The following HPS1 variants were observed in gnomAD, a reference collection of about 807,000 sequenced individuals.
HPS1 encodes the protein HPS1 biogenesis of lysosomal organelles complex 3 subunit 1, also known as BLOC-3 complex member HPS1.
In HPS1, 59 loss-of-function variants were observed where a neutral mutation model predicts 90.6. That is an observed-to-expected ratio of 0.65 (90% CI 0.53 to 0.81). The LOEUF (loss-of-function observed/expected upper bound fraction) is 0.81, where lower values mean the gene tolerates loss of function less well. Ranked by LOEUF, HPS1 falls within the 30% of genes least tolerant of loss-of-function variation. The pLI, the probability that HPS1 is intolerant of heterozygous loss-of-function variation, is 0.00. For missense variants in HPS1, 849 were observed against 896.7 expected (o/e 0.95, Z 0.68); for synonymous variants, 388 against 384.4 (o/e 1.01, Z -0.11).
Position 98,427,210 on chromosome 10 carries a change from C to T in HPS1, c.987+5G>A. On this transcript the variant is annotated splice_donor_5th_base_variant and intron_variant, in intron 11 of 19. Coordinates refer to ENST00000361490, the MANE Select transcript of HPS1 (RefSeq NM_000195.5). ...GGCGCCCAGGCAGGCACAGGAGAAA[C>T]TCACCTGAAGGGCATCCATGGGGGG... The T allele has an allele frequency of 6.4e-7, 1 of 1,550,814 alleles. No individual in the cohort carries two copies.
In HPS1 at chr10:98,422,336, C is replaced by T. The variant is rs1844987067; in HGVS notation, c.1743+33G>A. 2.5e-6 allele frequency: 4 copies of T among 1,593,978 alleles called. No homozygotes were observed. In the South Asian group the frequency reaches 4.4e-5, roughly 18 times the overall value. On this transcript the variant is annotated intron_variant, in intron 17 of 19. Transcript: ENST00000361490. The stretch of plus-strand genomic sequence containing the variant: ...AGGGCTACCCAATATTGGCTGAGGC[C>T]CACCCATCCCCGCCCTGGGTCCAAA...
In HPS1 at chr10:98,431,002, T is replaced by TG. The variant is rs1846367766; in HGVS notation, c.668+128dup. On this transcript the variant is annotated intron_variant, in intron 7 of 19. Coordinates refer to ENST00000361490, the MANE Select transcript of HPS1 (RefSeq NM_000195.5). ...CTGAAAAAGGTTGGAGAATCAAATC[T>TG]GGGAAGGTTTCAGGCTTCATGGAGG... The TG allele has an allele frequency of 2.5e-5, 24 of 949,604 alleles. No homozygotes were observed. The South Asian group carries it at 3.1e-4, about 12-fold the overall frequency. The allele number at this position is 949,604 out of a possible 1,614,324, so 58.8% of individuals were successfully genotyped here.
intron 17 of HPS1, among the ~76,000 whole-genome samples, chr10:98,420,727 A>C (rs1436931890): frequency 5.3e-5 from 8 of 151,920 alleles, no homozygotes. Context: ...AAAAATAATA[A>C]TATTAAAAAA....
At chr10:98,418,139 G>C in intron 19 of HPS1, 36 bp downstream of exon 19, 1 of 1,384,328 alleles carries the variant, frequency 7.2e-7, no homozygotes, top group Non-Finnish European at 1.0e-6. Context: ...CCCAAATGGG[G>C]GCATCTGTCC....
chr10:98,426,730 CAT>C (rs1034789043), intron 11 of HPS1, among the ~76,000 whole-genome samples: 101 of 144,486 alleles, frequency 7.0e-4, no homozygotes, highest in African/African-American at 1.5e-3. Flanking sequence ...TAAAAATACA[CAT>C]GTGTACATAT....
At position 98,433,968 on chromosome 10, in the gene HPS1, G is replaced by A. The variant is rs374761960; in HGVS notation, c.507+15C>T. The A allele has an allele frequency of 1.4e-4, 211 of 1,552,794 alleles. No homozygotes were observed. Among genetic ancestry groups the A allele is most frequent in the Non-Finnish European group, 1.7e-4 (195 of 1,147,958 alleles). ...ACAGCTTCAAGTCCTGAGGACTCCC[G>A]CGCCCAGTAGTCACCTCCACGGCGA... On this transcript the variant is annotated intron_variant, in intron 6 of 19. Transcript: ENST00000361490.
Position 98,430,639 on chromosome 10 carries a change from G to A in HPS1, c.700C>T (p.Leu234=), listed in dbSNP as rs150444975. ...HSASSLRPAD[L]LALILLVQDL... ...TGAACCAGGAGGATGAGGGCAAGCA[G>A]GTCGGCCGGGCGCAGGGAGCTGGCA... The change falls in exon 8 of 20, where the codon CTG becomes TTG. Residue 234 remains leucine (L), a synonymous_variant. Coordinates refer to ENST00000361490, the MANE Select transcript of HPS1 (RefSeq NM_000195.5). The A allele has an allele frequency of 3.0e-4, 461 of 1,555,446 alleles. No individual in the cohort carries two copies. The highest frequency in any genetic ancestry group is 1.0e-3 in the Middle Eastern group (6 of 5,962).
intron 6 of HPS1, among the ~76,000 whole-genome samples, chr10:98,433,588 G>A (rs1212463916): frequency 6.6e-6 from 1 of 152,158 alleles, no homozygotes; most frequent in Admixed American, 6.5e-5. Flanking sequence ...CTATTTACTG[G>A]CTGTAGTGCT....
chr10:98,418,348 T>A (rs1844392924), intron 18 of HPS1, 91 bp from the exon 19 acceptor site: 2 of 643,710 alleles, frequency 3.1e-6, no homozygotes, highest in African/African-American at 3.7e-5. Flanking sequence ...CTTGGCTCTG[T>A]CATGTGCGCT....
intron 18 of HPS1, 80 bp from the exon 19 acceptor site, chr10:98,418,337 G>A (rs1287036266): frequency 8.1e-6 from 6 of 741,196 alleles, no homozygotes; most frequent in Non-Finnish European, 1.4e-5. Flanking sequence ...TTGCGGCCTG[G>A]CTTGGCTCTG....
intron 2 of HPS1, among the ~76,000 whole-genome samples, chr10:98,444,902 C>T (rs1178766621): frequency 2.0e-5 from 3 of 152,012 alleles, no homozygotes; most frequent in Non-Finnish European, 4.4e-5. Context: ...ACAAAGCTGA[C>T]CAGAGTGTAT....
Position 98,431,239 on chromosome 10 carries a change from A to G in HPS1, c.560T>C (p.Leu187Pro). Reference sequence around the variant, plus strand: ...GACAGCCTGGATGACGTGCCGCTCCAGCGCCTCTATGCACAGCTCACAGAG... The same window carrying G: ...GACAGCCTGGATGACGTGCCGCTCCGGCGCCTCTATGCACAGCTCACAGAG... ...PQLCELCIEA[L>P]ERHVIQAVNT... The change falls in exon 7 of 20, where the codon CTG becomes CCG. Residue 187 changes from leucine (L) to proline (P), a missense_variant. Transcript: ENST00000361490. 3 of 1,613,994 alleles carry G rather than the reference A, an allele frequency of 1.9e-6. No individual in the cohort carries two copies. The highest frequency in any genetic ancestry group is 2.5e-6 in the Non-Finnish European group (3 of 1,180,028).
chr10:98,446,572 G>A (rs960899597), intron 1 of HPS1, among the ~76,000 whole-genome samples: 2 of 152,302 alleles, frequency 1.3e-5, no homozygotes, highest in East Asian at 1.9e-4. Flanking sequence ...TCGCCGCCGC[G>A]GGGCTCCCGT....
chr10:98,429,032 G>A (rs1220539683), intron 10 of HPS1: 1 of 178,040 alleles, frequency 5.6e-6, no homozygotes. Context: ...AGTAGACATG[G>A]GGTTTCGCCA....
intron 19 of HPS1, 163 bp downstream of exon 19, chr10:98,418,012 G>C (rs770329573): frequency 4.6e-6 from 3 of 648,570 alleles, no homozygotes; most frequent in Non-Finnish European, 8.3e-6. Flanking sequence ...CTCCACACCC[G>C]TCCTCCCTCG....
At chr10:98,423,505 C>A (rs183239596) in intron 16 of HPS1, 98 bp downstream of exon 16, 107 of 1,115,174 alleles carry the variant, frequency 9.6e-5, no homozygotes, top group Non-Finnish European at 9.5e-5. Context: ...AACATATATC[C>A]CCCTTCCCTG....
chr10:98,421,979 G>GACACACACAC (rs200573934), intron 17 of HPS1, among the ~76,000 whole-genome samples: 3,489 of 140,012 alleles, frequency 0.025, 61 homozygotes, highest in South Asian at 0.059. Context: ...CACACACACA[G>GACACACACAC]ACACACACAC....
intron 16 of HPS1, among the ~76,000 whole-genome samples, 175 bp from the exon 17 acceptor site, chr10:98,422,688 T>C (rs1845050534): frequency 6.6e-6 from 1 of 152,132 alleles, no homozygotes. Flanking sequence ...CCCCACTACC[T>C]CCAAGCTCCC....
intron 3 of HPS1, 33 bp downstream of exon 3, chr10:98,443,091 C>T (rs774131520): frequency 7.0e-7 from 1 of 1,428,752 alleles, no homozygotes; most frequent in African/African-American, 1.4e-5. Flanking sequence ...CCTTCCTATC[C>T]ACCCCTCCTG....
Sources: allele counts gnomAD v4.1 joint callset (sites outside exome capture counted in the v4.1 genomes callset), GRCh38; gene constraint gnomAD v4.1.1; transcripts MANE v1.5; gene names NCBI Gene and HGNC (gene_info 2026-07-23, HGNC 2026-07-21).